LUZP2: variants seen among roughly 807,000 people sequenced by gnomAD.
The protein encoded by LUZP2 is leucine zipper protein 2.
A neutral mutation model predicts 51.6 loss-of-function variants in LUZP2; 52 were observed. That is an observed-to-expected ratio of 1.01 (90% CI 0.81 to 1.27). The LOEUF (loss-of-function observed/expected upper bound fraction) is 1.27. Among genes scored for constraint, LUZP2 ranks in the 50% most tolerant of loss-of-function variants. The pLI is 0.00. For missense variants in LUZP2, 436 were observed against 395.4 expected, an observed-to-expected ratio of 1.10 and a Z score of -0.87; for synonymous variants, 154 against 137.3, an observed-to-expected ratio of 1.12 and a Z score of -0.85.
intron 7 of LUZP2, among the ~76,000 whole-genome samples, chr11:24,922,941 C>T (rs1207881618): frequency 1.4e-5 from 2 of 147,178 alleles, no homozygotes; most frequent in Non-Finnish European, 3.0e-5. Flanking sequence ...CTCCGCCTCC[C>T]GGGTTCATGC....
intron 5 of LUZP2, among the ~76,000 whole-genome samples, chr11:24,770,676 T>C (rs776376533): frequency 1.3e-5 from 2 of 152,190 alleles, no homozygotes; most frequent in Non-Finnish European, 2.9e-5. Context: ...CATTGACACA[T>C]ATCCAGGAAT....
intron 1 of LUZP2, among the ~76,000 whole-genome samples, chr11:24,637,720 C>A (rs575248020): frequency 6.6e-6 from 1 of 151,904 alleles, no homozygotes; most frequent in East Asian, 1.9e-4. Flanking sequence ...TGGGAAATTC[C>A]AGCCTGGTGA....
chr11:24,909,760 A>C (rs577380353), intron 6 of LUZP2, among the ~76,000 whole-genome samples: 3 of 152,330 alleles, frequency 2.0e-5, no homozygotes, highest in Admixed American at 6.5e-5. Context: ...TAAATTGCAC[A>C]GTCTCAGGTA....
At chr11:24,732,239 A>G (rs756748173) in intron 3 of LUZP2, 51 bp downstream of exon 3, 1 of 1,359,964 alleles carries the variant, frequency 7.4e-7, no homozygotes, top group Non-Finnish European at 1.0e-6. Flanking sequence ...GTCAAGCAAC[A>G]TTCAGAAACT....
chr11:25,024,541 T>C (rs948742204), intron 9 of LUZP2, among the ~76,000 whole-genome samples: 4 of 152,056 alleles, frequency 2.6e-5, no homozygotes, highest in African/African-American at 9.7e-5. Context: ...TGAATTCCCA[T>C]TTACAATTGC....
intron 1 of LUZP2, among the ~76,000 whole-genome samples, chr11:24,669,853 A>G (rs1438618127): frequency 6.6e-6 from 1 of 152,068 alleles, no homozygotes; most frequent in Non-Finnish European, 1.5e-5. Flanking sequence ...AGAGAGGAGA[A>G]ATATAATTTC....
chr11:25,077,763 T>C (rs1859355808), intron 11 of LUZP2, among the ~76,000 whole-genome samples: 1 of 152,158 alleles, frequency 6.6e-6, no homozygotes, highest in East Asian at 1.9e-4. Context: ...CCCAAAGTGC[T>C]GGGATTACAG....
intron 5 of LUZP2, among the ~76,000 whole-genome samples, chr11:24,792,278 T>G (rs1197288115): frequency 6.6e-6 from 1 of 151,770 alleles, no homozygotes; most frequent in African/African-American, 2.4e-5. Context: ...TACAAAAAAA[T>G]TAGCTGGGCA....
Position 24,931,254 on chromosome 11 carries a change from TAAAATAA to T in LUZP2, c.522+16719_522+16725del, listed in dbSNP as rs1854442558. Among the ~76,000 whole-genome samples, 14 of 91,542 alleles carry T rather than the reference TAAAATAA, an allele frequency of 1.5e-4. No homozygotes were observed. In the South Asian group the frequency reaches 5.8e-3, roughly 38 times the overall value. 60.1% of individuals were successfully genotyped at this position (91,542 alleles called of 152,430 possible). A position where few individuals can be genotyped will look rare whatever the true frequency, so the allele number is the denominator to read the frequency against. Reference sequence around the variant, plus strand: ...TAAAATAAAATAAAATAAAATAAAATAAAATAAAATAAAATAAAAAGTTCTTTTTTAT... The same window carrying T: ...TAAAATAAAATAAAATAAAATAAAATAATAAAATAAAAAGTTCTTTTTTAT... On this transcript the variant is annotated intron_variant, in intron 7 of 11. Transcript: ENST00000336930.
intron 1 of LUZP2, among the ~76,000 whole-genome samples, chr11:24,687,175 T>A (rs1856922009): frequency 6.6e-6 from 1 of 152,156 alleles, no homozygotes; most frequent in Admixed American, 6.6e-5. Flanking sequence ...CATTTTGATT[T>A]AAAATGTCCT....
At chr11:24,851,551 G>A (rs898100105) in intron 5 of LUZP2, among the ~76,000 whole-genome samples, 2 of 152,056 alleles carry the variant, frequency 1.3e-5, no homozygotes, top group Admixed American at 6.6e-5. Context: ...CAAGGATATT[G>A]GCCTGAAATT....
intron 1 of LUZP2, among the ~76,000 whole-genome samples, chr11:24,695,637 C>T (rs113300788): frequency 6.6e-6 from 1 of 152,004 alleles, no homozygotes; most frequent in African/African-American, 2.4e-5. Flanking sequence ...TTCCTTTCAA[C>T]TTTATGCTTT....
At chr11:24,622,821 T>A (rs1013746260) in intron 1 of LUZP2, among the ~76,000 whole-genome samples, 1 of 152,154 alleles carries the variant, frequency 6.6e-6, no homozygotes, top group African/African-American at 2.4e-5. Context: ...ATAGTTGTTA[T>A]CCTCTCCACA....
intron 9 of LUZP2, among the ~76,000 whole-genome samples, chr11:24,997,757 G>A (rs868007209): frequency 1.5e-4 from 23 of 152,100 alleles, no homozygotes; most frequent in East Asian, 1.2e-3. Flanking sequence ...TTTTAGGTCT[G>A]ACATTTAAGT....
intron 5 of LUZP2, among the ~76,000 whole-genome samples, chr11:24,768,738 A>G (rs77651487): frequency 0.082 from 12,213 of 148,370 alleles, 1,059 homozygotes; most frequent in African/African-American, 0.22. Context: ...GGCTGGTATC[A>G]AAAAGAGAAG....
chr11:24,803,334 AG>A (rs1213439344), intron 5 of LUZP2, among the ~76,000 whole-genome samples: 15 of 152,066 alleles, frequency 9.9e-5, no homozygotes, highest in African/African-American at 3.6e-4. Context: ...GCCATCCCTT[AG>A]GATGGCTATT....
intron 5 of LUZP2, among the ~76,000 whole-genome samples, chr11:24,872,156 T>C (rs1852097218): frequency 6.6e-6 from 1 of 152,154 alleles, no homozygotes; most frequent in Non-Finnish European, 1.5e-5. Context: ...TCTCTCTACA[T>C]TGGGCTATCA....
At chr11:24,953,460 A>G (rs889529813) in intron 7 of LUZP2, among the ~76,000 whole-genome samples, 2 of 151,976 alleles carry the variant, frequency 1.3e-5, no homozygotes, top group Admixed American at 6.6e-5. Flanking sequence ...ATTAAAGTTA[A>G]TAAACCACCA....
chr11:24,741,774 A>G (rs950963594), intron 4 of LUZP2, among the ~76,000 whole-genome samples: 2 of 145,986 alleles, frequency 1.4e-5, no homozygotes, highest in African/African-American at 5.1e-5. Context: ...GTTGTATTCC[A>G]TTATATATAT....
Sources: allele counts gnomAD v4.1 joint callset (sites outside exome capture counted in the v4.1 genomes callset), GRCh38; gene constraint gnomAD v4.1.1; transcripts MANE v1.5; gene names NCBI Gene and HGNC (gene_info 2026-07-23, HGNC 2026-07-21).